The following FNIP2 variants were observed in gnomAD, a reference collection of about 807,000 sequenced individuals.
FNIP2 encodes the protein folliculin interacting protein 2.
A neutral mutation model predicts 108.7 loss-of-function variants in FNIP2; 32 were observed. The observed-to-expected ratio is 0.29, with a 90% CI of 0.22 to 0.40. FNIP2 has a LOEUF of 0.40. Among genes scored for constraint, FNIP2 ranks in the 10% least tolerant of loss-of-function variants. The pLI, the probability that FNIP2 is intolerant of heterozygous loss-of-function variation, is 1.00. For missense variants in FNIP2, 1,202 were observed against 1,381.6 expected (o/e 0.87, Z 2.06); for synonymous variants, 480 against 496.7 (o/e 0.97, Z 0.45).
chr4:158,896,598 G>C (rs1169059636), intron 16 of FNIP2, among the ~76,000 whole-genome samples: 1 of 152,150 alleles, frequency 6.6e-6, no homozygotes, highest in Non-Finnish European at 1.5e-5. Context: ...CCTCCTAAGA[G>C]ACTGGGGCCT....
intron 1 of FNIP2, among the ~76,000 whole-genome samples, chr4:158,795,190 G>A (rs1560758601): frequency 1.3e-5 from 2 of 152,200 alleles, no homozygotes; most frequent in South Asian, 2.1e-4. Context: ...ACATTGAGCC[G>A]TGGTATAATG....
chr4:158,829,317 A>G (rs970162358), intron 3 of FNIP2, 92 bp downstream of exon 3: 23 of 1,147,972 alleles, frequency 2.0e-5, no homozygotes, highest in Admixed American at 5.9e-5. Flanking sequence ...CGAGGGCTCT[A>G]CTCCAGGAAT....
chr4:158,787,924 T>C (rs929823820), intron 1 of FNIP2, among the ~76,000 whole-genome samples: 9 of 152,204 alleles, frequency 5.9e-5, no homozygotes, highest in African/African-American at 2.2e-4. Flanking sequence ...TTTATGAAGA[T>C]TTCTTTGTTT....
Position 158,769,332 on chromosome 4 carries a change from C to CG in FNIP2, c.107+19dup, listed in dbSNP as rs1775613076. Reference sequence around the variant, plus strand: ...GACCCGCCTTTAGGTGAGGGGGCGCCGGGGGGCAATTCTGGCGCGGGACCC... The same window carrying CG: ...GACCCGCCTTTAGGTGAGGGGGCGCCGGGGGGGCAATTCTGGCGCGGGACCC... On this transcript the variant is annotated intron_variant, in intron 1 of 16. Transcript: ENST00000264433. 5.4e-6 allele frequency: 8 copies of CG among 1,472,950 alleles called. No homozygotes were observed. The highest frequency in any genetic ancestry group is 2.9e-5 in the African/African-American group (2 of 68,744). 91.2% of individuals were successfully genotyped at this position (1,472,950 alleles called of 1,614,324 possible). A position where few individuals can be genotyped will look rare whatever the true frequency, so the allele number is the denominator to read the frequency against.
At chr4:158,851,726 T>G (rs1560801478) in intron 8 of FNIP2, among the ~76,000 whole-genome samples, 1 of 152,346 alleles carries the variant, frequency 6.6e-6, no homozygotes, top group East Asian at 1.9e-4. Flanking sequence ...AATGGTGTGC[T>G]CTCTTTAAAA....
intron 7 of FNIP2, among the ~76,000 whole-genome samples, chr4:158,848,129 T>G (rs1368287911): frequency 6.6e-6 from 1 of 152,114 alleles, no homozygotes; most frequent in African/African-American, 2.4e-5. Flanking sequence ...GAGCCCTAGG[T>G]CTTCAGCAAA....
intron 1 of FNIP2, among the ~76,000 whole-genome samples, chr4:158,805,119 C>T (rs968867378): frequency 3.9e-5 from 6 of 152,188 alleles, no homozygotes; most frequent in African/African-American, 1.2e-4. Flanking sequence ...TGGCAAAAAC[C>T]GCAATTACTT....
At chr4:158,894,312 A>G (rs968896021) in intron 15 of FNIP2, among the ~76,000 whole-genome samples, 1 of 151,882 alleles carries the variant, frequency 6.6e-6, no homozygotes, top group African/African-American at 2.4e-5. Flanking sequence ...CTAGGACTAC[A>G]GGTGTGTGGG....
intron 1 of FNIP2, among the ~76,000 whole-genome samples, chr4:158,790,223 C>T (rs1158514861): frequency 1.3e-5 from 2 of 150,722 alleles, no homozygotes; most frequent in African/African-American, 2.4e-5. Flanking sequence ...ACGCCAAATC[C>T]GAAACACTTC....
chr4:158,868,160 G>A lies in FNIP2; in HGVS notation c.1524G>A (p.Gly508=), dbSNP rs774140894. The A allele has an allele frequency of 4.3e-6, 7 of 1,613,942 alleles. No homozygotes were observed. The African/African-American group carries it at 6.7e-5, about 15-fold the overall frequency. The change falls in exon 13 of 17, where the codon GGG becomes GGA. Residue 508 remains glycine, a synonymous_variant. Coordinates refer to ENST00000264433, the MANE Select transcript of FNIP2 (RefSeq NM_020840.3). The surrounding 1 kb of genome is among the most constrained non-coding windows in gnomAD (Gnocchi z 4.6). ...GACTGACTCGCACCGTAGTGGTAGG[G>A]AAGCAGAAGGACTTAGTCCAGCGAA... The part of the protein sequence containing the change: ...PVRLTRTVVV[G]KQKDLVQRIL...
intron 12 of FNIP2, among the ~76,000 whole-genome samples, chr4:158,866,218 A>ATTTTTTTTTTTTTTTTTTTTTTTTTTTTT (rs1261545921): frequency 8.1e-5 from 1 of 12,362 alleles, no homozygotes; most frequent in African/African-American, 1.9e-4. Context: ...TATTCTGGTT[A>ATTTTTTTTTTTTTTTTTTTTTTTTTTTTT]TTCTTTTTTT....
intron 6 of FNIP2, chr4:158,833,960 A>T (rs944850597): frequency 1.1e-4 from 117 of 1,042,570 alleles, no homozygotes; most frequent in Non-Finnish European, 1.4e-4. Context: ...TCTTAGGAAA[A>T]ATCCTACTTG....
chr4:158,812,705 T>C (rs1317553102), intron 1 of FNIP2, among the ~76,000 whole-genome samples: 1 of 152,080 alleles, frequency 6.6e-6, no homozygotes, highest in Non-Finnish European at 1.5e-5. Flanking sequence ...ACCACAGTGA[T>C]ATATTTGTTA....
intron 16 of FNIP2, 99 bp from the exon 17 acceptor site, chr4:158,904,365 CTT>C (rs1373974557): frequency 9.5e-7 from 1 of 1,048,164 alleles, no homozygotes; most frequent in Non-Finnish European, 1.4e-6. Flanking sequence ...ATCTATCAAA[CTT>C]AGTACCTAGA....
intron 1 of FNIP2, among the ~76,000 whole-genome samples, chr4:158,806,749 G>A (rs1353507441): frequency 6.6e-6 from 1 of 152,096 alleles, no homozygotes; most frequent in Non-Finnish European, 1.5e-5. Flanking sequence ...TAATTATCAG[G>A]AAAAAAAGGT....
intron 10 of FNIP2, among the ~76,000 whole-genome samples, 156 bp downstream of exon 10, chr4:158,859,822 A>C (rs1295412500): frequency 6.6e-6 from 1 of 152,208 alleles, no homozygotes; most frequent in Admixed American, 6.5e-5. Flanking sequence ...TGAAGCAAAA[A>C]ATTTAAATAA....
chr4:158,843,661 C>A (rs1266095507), intron 7 of FNIP2, among the ~76,000 whole-genome samples: 1 of 152,150 alleles, frequency 6.6e-6, no homozygotes, highest in Non-Finnish European at 1.5e-5. Flanking sequence ...AAGATCACAA[C>A]AAAGAGCATC....
chr4:158,865,115 T>A (rs577258424), intron 12 of FNIP2, among the ~76,000 whole-genome samples: 25 of 152,330 alleles, frequency 1.6e-4, no homozygotes, highest in African/African-American at 6.0e-4. Context: ...GCTTGACTCC[T>A]TCACTTTTTC....
chr4:158,769,431 T>C (rs1056861880), intron 1 of FNIP2, 112 bp downstream of exon 1: 9 of 601,462 alleles, frequency 1.5e-5, no homozygotes, highest in Middle Eastern at 5.1e-4. Flanking sequence ...CGGCGCTGCC[T>C]ATCGCCGGCA....
Sources: allele counts gnomAD v4.1 joint callset (sites outside exome capture counted in the v4.1 genomes callset), GRCh38; gene constraint gnomAD v4.1.1; non-coding constraint Gnocchi (gnomAD v3.1); transcripts MANE v1.5; gene names NCBI Gene and HGNC (gene_info 2026-07-23, HGNC 2026-07-21).